Variants in NUP37 observed in about 807,000 individuals in gnomAD.
The protein encoded by NUP37 is nucleoporin 37, also known as nucleoporin Nup37.
Under a neutral mutation model 45.4 loss-of-function variants are expected in NUP37, and 33 were observed. That is an observed-to-expected ratio of 0.73 (90% CI 0.55 to 0.97). The LOEUF is 0.97. NUP37 is among the 50% of genes least tolerant of loss of function. The pLI is 0.00. For synonymous variants in NUP37, 127 were observed against 130.7 expected (o/e 0.97, Z 0.19); for missense variants, 365 against 389.7 (o/e 0.94, Z 0.53).
intron 3 of NUP37, among the ~76,000 whole-genome samples, chr12:102,103,519 T>C (rs1309931567): frequency 6.6e-6 from 1 of 152,180 alleles, no homozygotes; most frequent in Non-Finnish European, 1.5e-5. Flanking sequence ...TATAAGATCA[T>C]GTATCAGGAA....
intron 5 of NUP37, among the ~76,000 whole-genome samples, chr12:102,086,361 G>T (rs1025259523): frequency 6.6e-6 from 1 of 152,120 alleles, no homozygotes; most frequent in Non-Finnish European, 1.5e-5. Context: ...CTTCCATACT[G>T]CTTATTCCTT....
rs760349784 is a variant in NUP37 at position 102,074,327 on chromosome 12, T to C, written c.*27A>G. 16 of 1,368,204 alleles carry C rather than the reference T, an allele frequency of 1.2e-5. No individual in the cohort carries two copies. In the African/African-American group the frequency reaches 1.6e-4, roughly 14 times the overall value. The allele number at this position is 1,368,204 out of a possible 1,614,324, so 84.8% of individuals were successfully genotyped here. ...AAAATATGTACTAAAAATACAAAGTTTGTGAATCTAAGGTACAGAAAACAC... is the reference window on the plus strand; with the variant it reads ...AAAATATGTACTAAAAATACAAAGTCTGTGAATCTAAGGTACAGAAAACAC... On this transcript the variant is annotated 3_prime_UTR_variant, in exon 10 of 10. Transcript: ENST00000552283.
rs371375086 is a variant in NUP37 at position 102,076,658 on chromosome 12, G to A, written c.773+139C>T. 3.6e-5 allele frequency: 23 copies of A among 632,702 alleles called. No homozygotes were observed. The East Asian group carries it at 6.5e-4, about 18-fold the overall frequency. The allele number at this position is 632,702 out of a possible 1,614,324, so 39.2% of individuals were successfully genotyped here. On this transcript the variant is annotated intron_variant, in intron 8 of 9. Transcript: ENST00000552283. ...AAAGACAAAGGCAATGACTTAGTCG[G>A]GAAAGTAAAATAACCACTTATAAAA...
Position 102,077,426 on chromosome 12 carries a change from T to C in NUP37, c.618A>G (p.Ser206=). 1 of 1,614,160 alleles carries C rather than the reference T, an allele frequency of 6.2e-7. No individual in the cohort carries two copies. Among genetic ancestry groups the C allele is most frequent in the Non-Finnish European group, 8.5e-7 (1 of 1,180,012 alleles). The change falls in exon 7 of 10, where the codon TCA becomes TCG. Residue 206 remains serine, a synonymous_variant. Transcript: ENST00000552283. Reference sequence around the variant, plus strand: ...GTGCTGACATTAATGGCACTTGTTCTGATTCAAGAGATAAAATAGCCTGTT... The same window carrying C: ...GTGCTGACATTAATGGCACTTGTTCCGATTCAAGAGATAAAATAGCCTGTT... ...LAQQAILSLE[S]EQVPLMSAHW...
intron 3 of NUP37, among the ~76,000 whole-genome samples, chr12:102,103,928 G>A (rs1880048253): frequency 6.6e-6 from 1 of 152,130 alleles, no homozygotes; most frequent in African/African-American, 2.4e-5. Flanking sequence ...TGAGAAGATG[G>A]TGGTCTCTCT....
At position 102,077,414 on chromosome 12, in the gene NUP37, T is replaced by C. The variant is rs1444670260; in HGVS notation, c.630A>G (p.Pro210=). 6.2e-7 allele frequency: 1 copy of C among 1,614,074 alleles called. No homozygotes were observed. Among genetic ancestry groups the C allele is most frequent in the Non-Finnish European group, 8.5e-7 (1 of 1,180,026 alleles). The stretch of plus-strand genomic sequence containing the variant: ...TTAAGCACCAGTGTGCTGACATTAA[T>C]GGCACTTGTTCTGATTCAAGAGATA... ...AILSLESEQV[P]LMSAHWCLKN... Residue 210 remains proline (P), a synonymous_variant, in exon 7 of 10, where the codon CCA becomes CCG. Transcript: ENST00000552283.
chr12:102,081,202 C>T (rs1279023300), intron 6 of NUP37, among the ~76,000 whole-genome samples: 3 of 152,142 alleles, frequency 2.0e-5, no homozygotes, highest in African/African-American at 7.2e-5. Flanking sequence ...TGGCACAAAG[C>T]AGGCACTCAA....
In NUP37 at chr12:102,100,666, C is replaced by T. The variant is rs117003991; in HGVS notation, c.354+366G>A. Among the ~76,000 whole-genome samples the T allele has an allele frequency of 2.9e-3, 448 of 152,302 alleles. 1 individual carries two copies. Among genetic ancestry groups the T allele is most frequent in the Non-Finnish European group, 4.5e-3 (303 of 68,026 alleles). On this transcript the variant is annotated intron_variant, in intron 4 of 9. Coordinates refer to ENST00000552283, the MANE Select transcript of NUP37 (RefSeq NM_024057.4). ...GCTCTTAACCGCTTTGGAATTCTGCCTGTGCTATGCTGTACTGATCATTTG... is the reference window on the plus strand; with the variant it reads ...GCTCTTAACCGCTTTGGAATTCTGCTTGTGCTATGCTGTACTGATCATTTG...
At chr12:102,077,845 G>A (rs1373450406) in intron 6 of NUP37, among the ~76,000 whole-genome samples, 1 of 152,064 alleles carries the variant, frequency 6.6e-6, no homozygotes, top group African/African-American at 2.4e-5. Context: ...CCATTCCCAA[G>A]GTATCTCATG....
chr12:102,090,856 T>C (rs1338174646), intron 5 of NUP37, among the ~76,000 whole-genome samples: 1 of 152,204 alleles, frequency 6.6e-6, no homozygotes, highest in African/African-American at 2.4e-5. Flanking sequence ...ATGGGTTGTA[T>C]ATTAAAATAA....
chr12:102,079,003 A>C, intron 6 of NUP37: 1 of 253,998 alleles, frequency 3.9e-6, no homozygotes, highest in East Asian at 1.0e-4. Context: ...GTGCATGAGT[A>C]GTTGATGCCT....
chr12:102,115,339 T>C (rs1261664448), intron 2 of NUP37, among the ~76,000 whole-genome samples: 1 of 152,208 alleles, frequency 6.6e-6, no homozygotes, highest in Admixed American at 6.5e-5. Context: ...TAGTTCTATT[T>C]GATATGTGTA....
At chr12:102,081,326 G>C (rs1202524564) in intron 6 of NUP37, among the ~76,000 whole-genome samples, 9 of 152,002 alleles carry the variant, frequency 5.9e-5, no homozygotes, top group Non-Finnish European at 1.3e-4. Context: ...TCTTTTTTTG[G>C]GTGATAAGAA....
At chr12:102,088,364 T>C (rs1441520524) in intron 5 of NUP37, among the ~76,000 whole-genome samples, 2 of 152,150 alleles carry the variant, frequency 1.3e-5, no homozygotes, top group Non-Finnish European at 2.9e-5. Flanking sequence ...AAGTATACCA[T>C]ATATAATAAA....
At chr12:102,085,979 T>C (rs1230775143) in intron 5 of NUP37, 123 bp from the exon 6 acceptor site, 2 of 439,394 alleles carry the variant, frequency 4.6e-6, no homozygotes, top group African/African-American at 2.0e-5. Context: ...TTGTACTTAA[T>C]GTATATCTTT....
At chr12:102,102,935 T>C (rs1229743191) in intron 3 of NUP37, among the ~76,000 whole-genome samples, 3 of 152,202 alleles carry the variant, frequency 2.0e-5, no homozygotes, top group Non-Finnish European at 4.4e-5. Flanking sequence ...CTGGGCTCTC[T>C]ATCTTATTCT....
At chr12:102,100,190 G>C (rs1879931881) in intron 4 of NUP37, among the ~76,000 whole-genome samples, 1 of 151,992 alleles carries the variant, frequency 6.6e-6, no homozygotes, top group Admixed American at 6.6e-5. Flanking sequence ...GGTTATTTCT[G>C]GTACAGCCTT....
intron 5 of NUP37, among the ~76,000 whole-genome samples, chr12:102,087,371 A>T (rs776530671): frequency 6.6e-6 from 1 of 152,242 alleles, no homozygotes; most frequent in Non-Finnish European, 1.5e-5. Context: ...TAAATGTTGA[A>T]ATATCATAGT....
At chr12:102,076,719 G>T in intron 8 of NUP37, 78 bp downstream of exon 8, 2 of 1,183,954 alleles carry the variant, frequency 1.7e-6, no homozygotes, top group South Asian at 1.4e-5. Flanking sequence ...GCAAAGAAGA[G>T]AACTACAAAA....
Sources: allele counts gnomAD v4.1 joint callset (sites outside exome capture counted in the v4.1 genomes callset), GRCh38; gene constraint gnomAD v4.1.1; transcripts MANE v1.5; gene names NCBI Gene and HGNC (gene_info 2026-07-23, HGNC 2026-07-21).